The following KDM4A variants were observed in gnomAD, a reference collection of about 807,000 sequenced individuals.
The protein encoded by KDM4A is lysine-specific demethylase 4A.
Under a neutral mutation model 127.1 loss-of-function variants are expected in KDM4A, and 23 were observed. The ratio of observed to expected loss-of-function variants is 0.18; its 90% CI spans 0.13 to 0.26. The LOEUF is 0.26. KDM4A is among the 10% of genes least tolerant of loss of function. The pLI is 1.00. For missense variants in KDM4A, 890 were observed against 1,329.1 expected (o/e 0.67, Z 5.14); for synonymous variants, 443 against 466.5 (o/e 0.95, Z 0.65).
rs1414216308 is a variant in KDM4A at position 43,694,087 on chromosome 1, G to A, written c.2469G>A (p.Leu823=). Reference sequence around the variant, plus strand: ...CGGTGGATGTGAGCAAAATCCCCCTGCCCCGCTTCAAACTGGTAAGGGCTT... The same window carrying A: ...CGGTGGATGTGAGCAAAATCCCCCTACCCCGCTTCAAACTGGTAAGGGCTT... ...RSPVDVSKIP[L]PRFKLKCIFC... is the part of the protein sequence containing the mutation. Residue 823 remains leucine, a synonymous_variant, in exon 17 of 22, where the codon CTG becomes CTA. Transcript: ENST00000372396. The surrounding 1 kb of genome is among the most constrained non-coding windows in gnomAD (Gnocchi z 5.2). 1.2e-6 allele frequency: 2 copies of A among 1,613,812 alleles called. No individual in the cohort carries two copies. The highest frequency in any genetic ancestry group is 4.5e-5 in the East Asian group (2 of 44,884).
intron 11 of KDM4A, among the ~76,000 whole-genome samples, chr1:43,679,167 AGCCCTAGAGTACTAGTTTCTTAAT>A (rs1660803756): frequency 6.6e-6 from 1 of 152,164 alleles, no homozygotes; most frequent in South Asian, 2.1e-4. Flanking sequence ...TCTTCTTTGA[AGCCCTAGAGTACTAGTTTCTTAAT>A]GCCCTTGCCA....
rs1201648471 is a variant in KDM4A, at chr1:43,653,151, A to G, written c.-25A>G. The G allele has an allele frequency of 1.9e-6, 3 of 1,601,524 alleles. No homozygotes were observed. The highest frequency in any genetic ancestry group is 1.3e-5 in the African/African-American group (1 of 74,438). ...TGTTTCTTCAGATTCCTGTCTGACT[A>G]AAGGGACCTCAAAAAGGAGGGAAAA... On this transcript the variant is annotated 5_prime_UTR_variant, in exon 2 of 22. Transcript: ENST00000372396.
chr1:43,661,557 C>T (rs537081736), intron 4 of KDM4A, among the ~76,000 whole-genome samples: 9 of 135,930 alleles, frequency 6.6e-5, no homozygotes, highest in East Asian at 2.2e-4. Context: ...TGCAGTGAGC[C>T]GAGATTGCAC....
intron 19 of KDM4A, among the ~76,000 whole-genome samples, chr1:43,700,925 A>AT (rs1445335616): frequency 6.8e-6 from 1 of 147,746 alleles, no homozygotes; most frequent in African/African-American, 2.7e-5. Context: ...TTATAAATTT[A>AT]ATTTTTTTTT....
Position 43,703,619 on chromosome 1 carries a change from C to T in KDM4A, c.2844C>T (p.Ser948=), listed in dbSNP as rs1661466059. ...SDNLYPEDIV[S]QDCLQFGPPA... is the part of the protein sequence containing the mutation. ...CTCCTTCCTTCCTGTTTCCTCAGAG[C>T]CAGGACTGTCTCCAGTTTGGTCCTC... is the stretch of plus-strand genomic sequence containing the variant. Residue 948 remains serine (S), a splice_region_variant and synonymous_variant, in exon 20 of 22, where the codon AGC becomes AGT. Coordinates refer to ENST00000372396, the MANE Select transcript of KDM4A (RefSeq NM_014663.3). 1 of 1,613,898 alleles carries T rather than the reference C, an allele frequency of 6.2e-7. No homozygotes were observed. The highest frequency in any genetic ancestry group is 8.5e-7 in the Non-Finnish European group (1 of 1,179,902).
At chr1:43,654,942 C>T (rs779075490) in intron 2 of KDM4A, among the ~76,000 whole-genome samples, 2 of 151,856 alleles carry the variant, frequency 1.3e-5, no homozygotes, top group Non-Finnish European at 2.9e-5. Context: ...ACCTCTGCCT[C>T]CGGGTTCAAG....
chr1:43,651,551 G>A (rs543244147), intron 1 of KDM4A, among the ~76,000 whole-genome samples: 1 of 152,248 alleles, frequency 6.6e-6, no homozygotes, highest in South Asian at 2.1e-4. Context: ...TAGATTTCTG[G>A]TGGATTGGAG....
At chr1:43,681,527 T>C (rs1332339837) in intron 11 of KDM4A, among the ~76,000 whole-genome samples, 8 of 152,200 alleles carry the variant, frequency 5.3e-5, no homozygotes, top group Admixed American at 5.2e-4. Context: ...CTACACAGCT[T>C]GTTTAACCTG....
chr1:43,672,905 G>T (rs1660657235), intron 11 of KDM4A, among the ~76,000 whole-genome samples: 1 of 152,210 alleles, frequency 6.6e-6, no homozygotes, highest in Non-Finnish European at 1.5e-5. Flanking sequence ...GGGATCAGAT[G>T]AGATGACCTT....
chr1:43,688,019 G>C lies in KDM4A; in HGVS notation c.1856-895G>C, dbSNP rs1661026951. Among the ~76,000 whole-genome samples, 1 of 144,574 alleles carries C rather than the reference G, an allele frequency of 6.9e-6. No homozygotes were observed. The highest frequency in any genetic ancestry group is 2.2e-4 in the South Asian group (1 of 4,530). The allele number at this position is 144,574 out of a possible 152,430, so 94.8% of individuals were successfully genotyped here. ...TTCATTGGTCTCTGTGGTTGTCACT[G>C]TTTTTTTTTTTTAAGCCCCAATGCT... is the stretch of plus-strand genomic sequence containing the variant. On this transcript the variant is annotated intron_variant, in intron 12 of 21. Coordinates refer to ENST00000372396, the MANE Select transcript of KDM4A (RefSeq NM_014663.3). This position sits in a 1 kb window ranked among gnomAD's most constrained non-coding sequence, Gnocchi z 4.4.
intron 20 of KDM4A, 97 bp downstream of exon 20, chr1:43,703,833 A>C: frequency 6.6e-7 from 1 of 1,522,916 alleles, no homozygotes; most frequent in South Asian, 1.2e-5. Context: ...TAGGAGAACT[A>C]ATAGGTTGGT....
At chr1:43,685,564 C>T (rs1337863376) in intron 12 of KDM4A, among the ~76,000 whole-genome samples, 5 of 151,792 alleles carry the variant, frequency 3.3e-5, no homozygotes, top group African/African-American at 4.8e-5. Flanking sequence ...GTCAGGAGAT[C>T]GAGACCATCC....
At chr1:43,667,368 G>A (rs1460203246) in intron 8 of KDM4A, among the ~76,000 whole-genome samples, 2 of 152,190 alleles carry the variant, frequency 1.3e-5, no homozygotes, top group Non-Finnish European at 2.9e-5. Context: ...AGATTTCTCT[G>A]TTGAAATTTT....
In KDM4A at chr1:43,681,941, T is replaced by A. The variant is rs140453943; in HGVS notation, c.1735-1743T>A. Reference sequence around the variant, plus strand: ...TGTCGGGCAAGTATGGGTTTTCCAGTTTGTTTTAGCCAAAGAACCCTTTTA... The same window carrying A: ...TGTCGGGCAAGTATGGGTTTTCCAGATTGTTTTAGCCAAAGAACCCTTTTA... On this transcript the variant is annotated intron_variant, in intron 11 of 21. Coordinates refer to ENST00000372396, the MANE Select transcript of KDM4A (RefSeq NM_014663.3). 4.6e-3 allele frequency among the ~76,000 whole-genome samples: 700 copies of A among 152,298 alleles called. 4 individuals carry two copies. The highest frequency in any genetic ancestry group is 0.016 in the African/African-American group (667 of 41,558).
intron 18 of KDM4A, among the ~76,000 whole-genome samples, chr1:43,696,280 G>C (rs1041370126): frequency 3.3e-5 from 5 of 152,182 alleles, no homozygotes; most frequent in Non-Finnish European, 7.3e-5. Context: ...GGAGTAGTCA[G>C]GTCAGAAGCC....
At chr1:43,665,608 A>C in intron 5 of KDM4A, 88 bp from the exon 6 acceptor site, 3 of 1,245,192 alleles carry the variant, frequency 2.4e-6, no homozygotes, top group African/African-American at 1.5e-5. Flanking sequence ...AAAATCTGCT[A>C]TTTCAAGGTG....
At chr1:43,674,770 A>G (rs1660703656) in intron 11 of KDM4A, among the ~76,000 whole-genome samples, 1 of 152,008 alleles carries the variant, frequency 6.6e-6, no homozygotes, top group Non-Finnish European at 1.5e-5. Context: ...CAGCCTCCCA[A>G]AGTGCTGAGA....
intron 5 of KDM4A, 40 bp downstream of exon 5, chr1:43,663,127 G>A: frequency 3.8e-6 from 6 of 1,561,642 alleles, no homozygotes; most frequent in Non-Finnish European, 5.2e-6. Context: ...TTCTATGCTA[G>A]AGCACGGGCT....
At position 43,694,205 on chromosome 1, in the gene KDM4A, TCTCA is replaced by T; in HGVS notation, c.2484+107_2484+110del. The T allele has an allele frequency of 1.1e-6, 1 of 878,166 alleles. No individual in the cohort carries two copies. Among genetic ancestry groups the T allele is most frequent in the Non-Finnish European group, 1.8e-6 (1 of 556,936 alleles). The allele number at this position is 878,166 out of a possible 1,614,324, so 54.4% of individuals were successfully genotyped here. Reference sequence around the variant, plus strand: ...CTTGGTTTTGGTTAGAGTTTGTGATTCTCACTCTGTGGTTAGATTCCTTAGTGGA... The same window carrying T: ...CTTGGTTTTGGTTAGAGTTTGTGATTCTCTGTGGTTAGATTCCTTAGTGGA... On this transcript the variant is annotated intron_variant, in intron 17 of 21. Coordinates refer to ENST00000372396, the MANE Select transcript of KDM4A (RefSeq NM_014663.3). This position sits in a 1 kb window ranked among gnomAD's most constrained non-coding sequence, Gnocchi z 5.2.
Sources: allele counts gnomAD v4.1 joint callset (sites outside exome capture counted in the v4.1 genomes callset), GRCh38; gene constraint gnomAD v4.1.1; non-coding constraint Gnocchi (gnomAD v3.1); transcripts MANE v1.5; gene names NCBI Gene and HGNC (gene_info 2026-07-23, HGNC 2026-07-21).